Variants in SLC35F3 observed in about 807,000 individuals in gnomAD.
SLC35F3 encodes the protein solute carrier family 35 member F3.
Under a neutral mutation model 49.9 loss-of-function variants are expected in SLC35F3, and 25 were observed. That is an observed-to-expected ratio of 0.50 (90% CI 0.37 to 0.70). SLC35F3 has a LOEUF of 0.70. Ranked by LOEUF, SLC35F3 falls within the 30% of genes least tolerant of loss-of-function variation. SLC35F3 has a pLI of 0.00. For synonymous variants in SLC35F3, 275 were observed against 265.4 expected (o/e 1.04, Z -0.35); for missense variants, 525 against 639.8 (o/e 0.82, Z 1.94).
intron 2 of SLC35F3, among the ~76,000 whole-genome samples, chr1:234,077,579 CAAGAT>C (rs1664810744): frequency 6.6e-6 from 1 of 152,168 alleles, no homozygotes; most frequent in Non-Finnish European, 1.5e-5. Context: ...GATTACAATT[CAAGAT>C]AAGATTTGGG....
chr1:233,964,409 A>G (rs1394634121), intron 2 of SLC35F3, among the ~76,000 whole-genome samples: 1 of 152,190 alleles, frequency 6.6e-6, no homozygotes, highest in African/African-American at 2.4e-5. Context: ...TCACCTACAG[A>G]TACTCAACTG....
intron 2 of SLC35F3, among the ~76,000 whole-genome samples, chr1:234,141,659 T>A (rs1461703755): frequency 6.6e-6 from 1 of 152,228 alleles, no homozygotes; most frequent in African/African-American, 2.4e-5. Flanking sequence ...CCTCCTGGTC[T>A]ACTCAGCCCA....
In SLC35F3 at chr1:234,052,376, A is replaced by G. The variant is rs565216450; in HGVS notation, c.283+146618A>G. Reference sequence around the variant, plus strand: ...CTGGTTTAGTCTTGGGAGGGTGTATATGTCCAGGAATTTATCCATTTCTTC... The same window carrying G: ...CTGGTTTAGTCTTGGGAGGGTGTATGTGTCCAGGAATTTATCCATTTCTTC... On this transcript the variant is annotated intron_variant, in intron 2 of 7. Transcript: ENST00000366618. 3.9e-5 allele frequency among the ~76,000 whole-genome samples: 6 copies of G among 152,178 alleles called. No homozygotes were observed. The South Asian group carries it at 1.2e-3, about 32-fold the overall frequency.
chr1:234,070,798 C>G (rs931008426), intron 2 of SLC35F3, among the ~76,000 whole-genome samples: 3 of 152,038 alleles, frequency 2.0e-5, no homozygotes, highest in Admixed American at 6.6e-5. Flanking sequence ...TTATGCCACC[C>G]CATAACATAT....
chr1:234,137,422 T>C (rs895451683), intron 2 of SLC35F3, among the ~76,000 whole-genome samples: 45 of 152,028 alleles, frequency 3.0e-4, no homozygotes, highest in African/African-American at 9.9e-4. Context: ...GACTTAGCAA[T>C]CCCCAGAGCA....
chr1:234,203,616 C>T (rs1356094868), intron 2 of SLC35F3, among the ~76,000 whole-genome samples: 1 of 151,958 alleles, frequency 6.6e-6, no homozygotes, highest in African/African-American at 2.4e-5. Flanking sequence ...GAGGCTGAGG[C>T]AGGAGAATCA....
chr1:234,205,584 C>T (rs190716674), intron 2 of SLC35F3, among the ~76,000 whole-genome samples: 11 of 152,288 alleles, frequency 7.2e-5, no homozygotes, highest in African/African-American at 2.4e-4. Flanking sequence ...TCTCTGAAGC[C>T]AGTCTGAGGG....
intron 2 of SLC35F3, among the ~76,000 whole-genome samples, chr1:234,198,213 T>C (rs1666843370): frequency 6.6e-6 from 1 of 152,242 alleles, no homozygotes; most frequent in Admixed American, 6.5e-5. Context: ...TTTTTGGTCA[T>C]TTTCATGTTG....
chr1:234,075,483 T>C (rs1393549841), intron 2 of SLC35F3, among the ~76,000 whole-genome samples: 1 of 152,266 alleles, frequency 6.6e-6, no homozygotes, highest in Non-Finnish European at 1.5e-5. Context: ...AGGCACATTG[T>C]GCTGATAAAG....
At chr1:233,949,292 G>A (rs1383599728) in intron 2 of SLC35F3, among the ~76,000 whole-genome samples, 1 of 152,312 alleles carries the variant, frequency 6.6e-6, no homozygotes, top group East Asian at 1.9e-4. Context: ...TTGAGCACAT[G>A]AAGCAAGTTA....
At chr1:234,282,007 C>T (rs537819388) in intron 3 of SLC35F3, among the ~76,000 whole-genome samples, 74 of 151,844 alleles carry the variant, frequency 4.9e-4, no homozygotes, top group African/African-American at 1.7e-3. Flanking sequence ...CACGCATGTC[C>T]CCTGGTACGT....
At chr1:234,293,727 G>C (rs1044424937) in intron 3 of SLC35F3, among the ~76,000 whole-genome samples, 1 of 152,146 alleles carries the variant, frequency 6.6e-6, no homozygotes, top group Non-Finnish European at 1.5e-5. Flanking sequence ...AGTCTCCTGG[G>C]GCTGGCCTTG....
At chr1:233,968,017 T>A (rs1662928646) in intron 2 of SLC35F3, among the ~76,000 whole-genome samples, 1 of 152,224 alleles carries the variant, frequency 6.6e-6, no homozygotes, top group Admixed American at 6.5e-5. Context: ...ATAAACCGTG[T>A]TGTCTCATGT....
chr1:233,945,528 A>G (rs1008970054), intron 2 of SLC35F3, among the ~76,000 whole-genome samples: 1 of 152,204 alleles, frequency 6.6e-6, no homozygotes, highest in African/African-American at 2.4e-5. Context: ...GCATCTGGAA[A>G]AGGTTCCTAT....
intron 2 of SLC35F3, among the ~76,000 whole-genome samples, chr1:233,937,718 T>A (rs1662357028): frequency 1.3e-5 from 2 of 152,224 alleles, no homozygotes; most frequent in Non-Finnish European, 2.9e-5. Context: ...ACTGAAAGCA[T>A]TGCCTGGTTA....
chr1:234,209,282 T>C (rs1048625998), intron 2 of SLC35F3, among the ~76,000 whole-genome samples: 2 of 152,038 alleles, frequency 1.3e-5, no homozygotes, highest in African/African-American at 2.4e-5. Flanking sequence ...TTTTGTGAGA[T>C]TTGAGTTTTT....
intron 3 of SLC35F3, among the ~76,000 whole-genome samples, chr1:234,291,032 C>T (rs1229976036): frequency 6.6e-6 from 1 of 152,152 alleles, no homozygotes; most frequent in Admixed American, 6.5e-5. Flanking sequence ...AGGCTCTTCA[C>T]TGGAGACGTG....
intron 3 of SLC35F3, among the ~76,000 whole-genome samples, chr1:234,247,905 A>AGGTTGGTTGGTCCATTGTTTGGTGGGTT (rs1558272756): frequency 2.3e-3 from 34 of 14,722 alleles, no homozygotes; most frequent in African/African-American, 4.0e-3. Flanking sequence ...TTTGGTGGGT[A>AGGTTGGTTGGTCCATTGTTTGGTGGGTT]GGTTGGTTGG....
chr1:234,208,258 C>G (rs567048574), intron 2 of SLC35F3, among the ~76,000 whole-genome samples: 1 of 152,260 alleles, frequency 6.6e-6, no homozygotes, highest in Admixed American at 6.5e-5. Context: ...GGATTGATGC[C>G]TTATTGGAAT....
Sources: allele counts gnomAD v4.1 joint callset (sites outside exome capture counted in the v4.1 genomes callset), GRCh38; gene constraint gnomAD v4.1.1; transcripts MANE v1.5; gene names NCBI Gene and HGNC (gene_info 2026-07-23, HGNC 2026-07-21).